Variants in BAHCC1 observed in about 807,000 individuals in gnomAD.
The protein encoded by BAHCC1 is BAH domain and coiled-coil containing 1.
BAHCC1 carries 43 observed loss-of-function variants against 88.2 expected under a neutral mutation model. The observed-to-expected ratio is 0.49, with a 90% CI of 0.38 to 0.63. The LOEUF (loss-of-function observed/expected upper bound fraction) is 0.63, where lower values mean the gene tolerates loss of function less well. Among genes scored for constraint, BAHCC1 ranks in the 20% least tolerant of loss-of-function variants. BAHCC1 has a pLI of 0.00. For synonymous variants in BAHCC1, 1,510 were observed against 745.5 expected (o/e 2.03, Z -16.71); for missense variants, 3,023 against 1,654.8 (o/e 1.83, Z -14.34).
At chr17:81,395,949 AACAAAT>A (rs1274769326) in intron 1 of BAHCC1, 1 of 152,246 alleles carries the variant, frequency 6.6e-6, no homozygotes, top group East Asian at 1.9e-4. Flanking sequence ...CAGCATTAAA[AACAAAT>A]ACTCGAAGAC....
chr17:81,453,229 C>T (rs1294872188), intron 14 of BAHCC1, among the ~76,000 whole-genome samples: 4 of 152,232 alleles, frequency 2.6e-5, no homozygotes, highest in Admixed American at 1.3e-4. Flanking sequence ...TCGTTGGTCA[C>T]GCTGTGGAGC....
chr17:81,461,041 C>T lies in BAHCC1; in HGVS notation c.6378C>T (p.Asn2126=), dbSNP rs368071969. Residue 2126 remains asparagine, a synonymous_variant, in exon 26 of 28, where the codon AAC becomes AAT. Coordinates refer to ENST00000675386, the MANE Select transcript of BAHCC1 (RefSeq NM_001377448.1). ...TGCTGCAGAACCTCTTCCAGCTCAA[C>T]GGCAGCAGCAAGAAGCTGCGGGCCC... The part of the protein sequence containing the change: ...PGVLQNLFQL[N]GSSKKLRARE... 7.8e-6 allele frequency: 6 copies of T among 772,370 alleles called. No individual in the cohort carries two copies. Among genetic ancestry groups the T allele is most frequent in the South Asian group, 1.3e-5 (1 of 74,370 alleles). The allele number at this position is 772,370 out of a possible 1,614,324, so 47.8% of individuals were successfully genotyped here.
chr17:81,461,582 C>T lies in BAHCC1; in HGVS notation c.6919C>T (p.Pro2307Ser), dbSNP rs943546189. ...EDGPGLAAGV[P>S]SRFLARLSVS... ...CGGGCCGGGGCTGGCGGCCGGCGTG[C>T]CCTCCCGCTTCCTCGCCCGCCTGTC... is the stretch of plus-strand genomic sequence containing the variant. The change falls in exon 26 of 28, where the codon CCC (proline) becomes TCC (serine). Residue 2307 changes from proline (P) to serine (S), a missense_variant. Physicochemically the swap from Pro to Ser is moderately conservative, Grantham distance 74 (BLOSUM62 -1). Coordinates refer to ENST00000675386, the MANE Select transcript of BAHCC1 (RefSeq NM_001377448.1). 3 of 720,278 alleles carry T rather than the reference C, an allele frequency of 4.2e-6. No individual in the cohort carries two copies. The highest frequency in any genetic ancestry group is 5.2e-6 in the Non-Finnish European group (2 of 387,348). The allele number at this position is 720,278 out of a possible 1,614,324, so 44.6% of individuals were successfully genotyped here.
At chr17:81,419,932 C>T (rs1254739978) in intron 2 of BAHCC1, among the ~76,000 whole-genome samples, 5 of 152,156 alleles carry the variant, frequency 3.3e-5, no homozygotes, top group Non-Finnish European at 7.3e-5. Context: ...CCCTGCCGTC[C>T]TCTTGTTCCG....
At chr17:81,408,190 G>A (rs564166340) in intron 2 of BAHCC1, among the ~76,000 whole-genome samples, 7 of 152,302 alleles carry the variant, frequency 4.6e-5, no homozygotes, top group East Asian at 1.9e-4. Flanking sequence ...GGACATTCCC[G>A]TCAAGATCAA....
intron 2 of BAHCC1, among the ~76,000 whole-genome samples, chr17:81,409,906 C>T (rs1392059197): frequency 2.0e-5 from 3 of 152,174 alleles, no homozygotes; most frequent in African/African-American, 7.2e-5. Context: ...GTCTTCAGGC[C>T]CGGGAGAGCA....
chr17:81,420,702 C>T (rs2064106120), intron 2 of BAHCC1, among the ~76,000 whole-genome samples: 1 of 152,248 alleles, frequency 6.6e-6, no homozygotes, highest in South Asian at 2.1e-4. Flanking sequence ...GAGCTGCAAA[C>T]CCGGCCTGGG....
chr17:81,452,808 C>A lies in BAHCC1; in HGVS notation c.4402C>A (p.Arg1468Ser). ...ACACTCAAGCTCGCTGCCTGCCCCA[C>A]GTCCCACGGGGCCGCTCCCCAGGAG... ...RKHSSSLPAP[R>S]PTGPLPRSDG... The change falls in exon 14 of 28, where the codon CGT becomes AGT. Residue 1468 changes from arginine to serine, a missense_variant. By Grantham distance (110) the Arg-to-Ser change is moderately radical. Coordinates refer to ENST00000675386, the MANE Select transcript of BAHCC1 (RefSeq NM_001377448.1). 1 of 741,744 alleles carries A rather than the reference C, an allele frequency of 1.3e-6. No individual in the cohort carries two copies. Among genetic ancestry groups the A allele is most frequent in the Non-Finnish European group, 2.5e-6 (1 of 403,716 alleles). The allele number at this position is 741,744 out of a possible 1,614,324, so 45.9% of individuals were successfully genotyped here. A position where few individuals can be genotyped will look rare whatever the true frequency, so the allele number is the denominator to read the frequency against.
chr17:81,465,655 C>G lies in BAHCC1; in HGVS notation c.*1838C>G, dbSNP rs781815496. On this transcript the variant is annotated 3_prime_UTR_variant, in exon 28 of 28. Coordinates refer to ENST00000675386, the MANE Select transcript of BAHCC1 (RefSeq NM_001377448.1). ...CTGGTGGGTGCCCTGTACCCCAATC[C>G]CAGGTCCCCTTGGCCCCCTATTTTT... The G allele has an allele frequency of 6.6e-6, 1 of 152,296 alleles. No individual in the cohort carries two copies. Among genetic ancestry groups the G allele is most frequent in the Non-Finnish European group, 1.5e-5 (1 of 68,076 alleles). The allele number at this position is 152,296 out of a possible 1,614,324, so 9.4% of individuals were successfully genotyped here. A position where few individuals can be genotyped will look rare whatever the true frequency, so the allele number is the denominator to read the frequency against.
At chr17:81,448,702 G>A (rs781965399) in intron 11 of BAHCC1, among the ~76,000 whole-genome samples, 31 of 152,316 alleles carry the variant, frequency 2.0e-4, no homozygotes, top group Non-Finnish European at 3.8e-4. Flanking sequence ...CCAGGGGCCC[G>A]TGGTCACCCT....
intron 11 of BAHCC1, chr17:81,451,293 C>CT (rs1368478969): frequency 2.2e-5 from 5 of 229,786 alleles, no homozygotes; most frequent in Non-Finnish European, 4.3e-5. Flanking sequence ...CAGAGTATCC[C>CT]TTCCCAGGGC....
chr17:81,432,393 G>GGAGTTCCCT (rs2064270484), intron 3 of BAHCC1, among the ~76,000 whole-genome samples: 1 of 152,102 alleles, frequency 6.6e-6, no homozygotes, highest in Non-Finnish European at 1.5e-5. Context: ...CAGGCGGAAG[G>GGAGTTCCCT]GAGTTCCCTG....
chr17:81,414,231 C>T (rs369654902), intron 2 of BAHCC1, among the ~76,000 whole-genome samples: 8 of 152,354 alleles, frequency 5.3e-5, no homozygotes, highest in Middle Eastern at 6.8e-3. Flanking sequence ...GCAGGGGCAA[C>T]GGTGTGGGGG....
rs1555652870 is a variant in BAHCC1, at chr17:81,442,568, C to A, written c.1219C>A (p.Pro407Thr). ...SVGHLADKGR[P>T]FQAAEACAVA... Reference sequence around the variant, plus strand: ...GGGACACCTGGCCGACAAGGGCCGCCCCTTCCAGGCCGCCGAGGCCTGTGC... The same window carrying A: ...GGGACACCTGGCCGACAAGGGCCGCACCTTCCAGGCCGCCGAGGCCTGTGC... Residue 407 changes from proline (P) to threonine (T), a missense_variant, in exon 5 of 28, where the codon CCC (proline) becomes ACC (threonine). Pro to Thr is a conservative substitution (Grantham distance 38). Transcript: ENST00000675386. The A allele has an allele frequency of 2.6e-6, 2 of 757,538 alleles. No homozygotes were observed. The highest frequency in any genetic ancestry group is 4.9e-6 in the Non-Finnish European group (2 of 406,838). 46.9% of individuals were successfully genotyped at this position (757,538 alleles called of 1,614,324 possible).
chr17:81,444,343 T>A (rs782626356), intron 6 of BAHCC1, 38 bp from the exon 7 acceptor site: 1 of 710,894 alleles, frequency 1.4e-6, no homozygotes. Flanking sequence ...GAGCTGGGCC[T>A]TGGCGCCGGC....
rs1555659914 is a variant in BAHCC1, at chr17:81,462,900, G to A, written c.7544G>A (p.Ser2515Asn). 1.3e-6 allele frequency: 1 copy of A among 786,066 alleles called. No homozygotes were observed. The highest frequency in any genetic ancestry group is 2.4e-6 in the Non-Finnish European group (1 of 422,980). 48.7% of individuals were successfully genotyped at this position (786,066 alleles called of 1,614,324 possible). A position where few individuals can be genotyped will look rare whatever the true frequency, so the allele number is the denominator to read the frequency against. The change falls in exon 27 of 28, where the codon AGC (serine) becomes AAC (asparagine). Residue 2515 changes from serine to asparagine, a missense_variant. Ser to Asn is a conservative substitution (Grantham distance 46). Coordinates refer to ENST00000675386, the MANE Select transcript of BAHCC1 (RefSeq NM_001377448.1). ...RIESMWESWG[S>N]NMVVKVKWFY... Reference sequence around the variant, plus strand: ...GAGAGCATGTGGGAGTCGTGGGGCAGCAACATGGTGGTCAAGGTCAAGTGG... The same window carrying A: ...GAGAGCATGTGGGAGTCGTGGGGCAACAACATGGTGGTCAAGGTCAAGTGG...
intron 2 of BAHCC1, among the ~76,000 whole-genome samples, chr17:81,416,647 T>C (rs1251498762): frequency 6.6e-6 from 1 of 152,196 alleles, no homozygotes; most frequent in Non-Finnish European, 1.5e-5. Flanking sequence ...TATGCACATG[T>C]ACATGTCCAC....
At chr17:81,444,879 G>A (rs1441882453) in intron 8 of BAHCC1, 53 bp downstream of exon 8, 4 of 724,804 alleles carry the variant, frequency 5.5e-6, no homozygotes, top group Middle Eastern at 2.7e-4. Context: ...TTGGAAGGAG[G>A]GGCAGCCGGG....
chr17:81,449,695 T>TC (rs1394927424), intron 11 of BAHCC1, among the ~76,000 whole-genome samples: 2 of 127,114 alleles, frequency 1.6e-5, no homozygotes. Context: ...CGGCCCTCTC[T>TC]CCCCCTCCCA....
Sources: allele counts gnomAD v4.1 joint callset (sites outside exome capture counted in the v4.1 genomes callset), GRCh38; gene constraint gnomAD v4.1.1; transcripts MANE v1.5; gene names NCBI Gene and HGNC (gene_info 2026-07-23, HGNC 2026-07-21).